The following SORBS2 variants were observed in gnomAD, a reference collection of about 807,000 sequenced individuals.
The protein encoded by SORBS2 is sorbin and SH3 domain-containing protein 2.
SORBS2 carries 46 observed loss-of-function variants against 97.7 expected under a neutral mutation model. The ratio of observed to expected loss-of-function variants is 0.47; its 90% CI spans 0.37 to 0.60. SORBS2 has a LOEUF of 0.60. Among genes scored for constraint, SORBS2 ranks in the 20% least tolerant of loss-of-function variants. The pLI is 0.00. For synonymous variants in SORBS2, 476 were observed against 473.4 expected, an observed-to-expected ratio of 1.01 and a Z score of -0.07; for missense variants, 1,316 against 1,282.3, an observed-to-expected ratio of 1.03 and a Z score of -0.40.
At chr4:185,942,713 C>A (rs4862603) in intron 1 of SORBS2, among the ~76,000 whole-genome samples, 4 of 152,122 alleles carry the variant, frequency 2.6e-5, no homozygotes, top group Admixed American at 6.5e-5. Context: ...GAACAATTTC[C>A]ACCTTTGCCC....
At chr4:185,911,287 G>C (rs2099254929) in intron 1 of SORBS2, among the ~76,000 whole-genome samples, 3 of 152,158 alleles carry the variant, frequency 2.0e-5, no homozygotes, top group Non-Finnish European at 4.4e-5. Flanking sequence ...GAGTGCAGTG[G>C]CATGATCATG....
intron 2 of SORBS2, among the ~76,000 whole-genome samples, chr4:185,766,958 T>C (rs879576841): frequency 6.6e-6 from 1 of 152,208 alleles, no homozygotes; most frequent in Non-Finnish European, 1.5e-5. Context: ...AATATCAAGC[T>C]GGTCTTTAAA....
chr4:185,914,623 C>A (rs190461758), intron 1 of SORBS2, among the ~76,000 whole-genome samples: 50 of 152,206 alleles, frequency 3.3e-4, no homozygotes, highest in Middle Eastern at 3.4e-3. Context: ...CTGTGGTAAC[C>A]CAGGCCTGAA....
At chr4:185,853,429 C>T (rs530308574) in intron 1 of SORBS2, among the ~76,000 whole-genome samples, 9 of 152,224 alleles carry the variant, frequency 5.9e-5, no homozygotes, top group African/African-American at 1.7e-4. Context: ...TTCTACGACA[C>T]CCCAAATGCA....
intron 2 of SORBS2, among the ~76,000 whole-genome samples, chr4:185,754,802 A>C (rs1167675154): frequency 6.6e-6 from 1 of 152,198 alleles, no homozygotes; most frequent in African/African-American, 2.4e-5. Flanking sequence ...CCCTGAGTCC[A>C]GCTGTTAGCT....
intron 4 of SORBS2, among the ~76,000 whole-genome samples, chr4:185,631,326 AATAG>A (rs1342446413): frequency 2.0e-5 from 3 of 152,252 alleles, no homozygotes; most frequent in Non-Finnish European, 4.4e-5. Flanking sequence ...AATACACTGA[AATAG>A]ATAGTAAGCA....
chr4:185,689,876 C>T (rs183885869), intron 2 of SORBS2, among the ~76,000 whole-genome samples: 9 of 152,268 alleles, frequency 5.9e-5, no homozygotes, highest in East Asian at 5.8e-4. Flanking sequence ...AAAATTTCAA[C>T]GAGAAAGTTG....
At chr4:185,702,086 G>A (rs761548909) in intron 2 of SORBS2, among the ~76,000 whole-genome samples, 16 of 152,128 alleles carry the variant, frequency 1.1e-4, no homozygotes, top group Admixed American at 2.6e-4. Flanking sequence ...TCTTTTTTGT[G>A]GGAGAAGCCA....
chr4:185,689,475 A>G (rs1408700694), intron 2 of SORBS2, among the ~76,000 whole-genome samples: 1 of 152,140 alleles, frequency 6.6e-6, no homozygotes, highest in East Asian at 1.9e-4. Flanking sequence ...TGTGTGGTGC[A>G]TATGCAGGGT....
chr4:185,669,024 A>G (rs552111364), intron 4 of SORBS2, among the ~76,000 whole-genome samples: 1 of 152,272 alleles, frequency 6.6e-6, no homozygotes, highest in Non-Finnish European at 1.5e-5. Flanking sequence ...CTGCTTACTC[A>G]AACTAGCACT....
chr4:185,612,120 C>T, intron 11 of SORBS2, 140 bp from the exon 24 acceptor site: 1 of 625,730 alleles, frequency 1.6e-6, no homozygotes, highest in Non-Finnish European at 2.8e-6. Flanking sequence ...CAGGGGAGGG[C>T]AAGTAAGGTA....
At chr4:185,664,881 TC>T (rs2097574367) in intron 4 of SORBS2, among the ~76,000 whole-genome samples, 1 of 152,034 alleles carries the variant, frequency 6.6e-6, no homozygotes, top group African/African-American at 2.4e-5. Flanking sequence ...AAAAAAAAAA[TC>T]TGATTTTTTT....
chr4:185,835,539 G>A (rs1479221262), intron 1 of SORBS2, among the ~76,000 whole-genome samples: 1 of 152,020 alleles, frequency 6.6e-6, no homozygotes, highest in Admixed American at 6.6e-5. Flanking sequence ...ATTAGAATGT[G>A]CTTACGTAAG....
intron 1 of SORBS2, among the ~76,000 whole-genome samples, chr4:185,819,759 A>G (rs2099195571): frequency 6.6e-6 from 1 of 152,116 alleles, no homozygotes; most frequent in South Asian, 2.1e-4. Flanking sequence ...GTCCTTGCCT[A>G]TCCAGCCACT....
intron 12 of SORBS2, among the ~76,000 whole-genome samples, chr4:185,605,545 A>C (rs1286616730): frequency 2.0e-5 from 3 of 151,956 alleles, no homozygotes. Flanking sequence ...TGGGCTCCCA[A>C]AGTGCTGGAT....
intron 1 of SORBS2, among the ~76,000 whole-genome samples, chr4:185,790,817 C>T (rs1353528070): frequency 2.0e-5 from 3 of 152,192 alleles, no homozygotes; most frequent in African/African-American, 4.8e-5. Flanking sequence ...TCCCTGATCA[C>T]ATTTTCTGAA....
At chr4:185,637,176 A>G (rs1045268640) in intron 4 of SORBS2, among the ~76,000 whole-genome samples, 1 of 152,234 alleles carries the variant, frequency 6.6e-6, no homozygotes, top group Admixed American at 6.5e-5. Context: ...CCTATATATG[A>G]TGGTGGTCCT....
intron 2 of SORBS2, among the ~76,000 whole-genome samples, chr4:185,694,100 A>G (rs1457615841): frequency 2.0e-5 from 3 of 152,238 alleles, no homozygotes; most frequent in African/African-American, 7.2e-5. Context: ...TTGGGTGACT[A>G]ATAAAAATGC....
At chr4:185,719,461 G>A (rs1394557203) in intron 2 of SORBS2, among the ~76,000 whole-genome samples, 1 of 152,184 alleles carries the variant, frequency 6.6e-6, no homozygotes. Flanking sequence ...CAGTTATAAG[G>A]ATCAGTTTCT....
Sources: gnomAD v4.1 joint callset for allele counts (sites outside exome capture counted in the v4.1 genomes callset) on GRCh38, gnomAD v4.1.1 for gene constraint, MANE v1.5 for transcripts, NCBI Gene and HGNC (gene_info 2026-07-23, HGNC 2026-07-21) for gene names.